Variants in SYT16 observed in about 807,000 individuals in gnomAD.
SYT16 encodes the protein synaptotagmin 16, also known as synaptotagmin-16.
SYT16 carries 42 observed loss-of-function variants against 61.4 expected under a neutral mutation model. That is an observed-to-expected ratio of 0.68 (90% CI 0.53 to 0.89). SYT16 has a LOEUF of 0.89. Among genes scored for constraint, SYT16 ranks in the 40% least tolerant of loss-of-function variants. The probability of loss-of-function intolerance (pLI) is 0.00; values close to 1 mark genes in which losing one functional copy is unlikely to be tolerated. For synonymous variants in SYT16, 314 were observed against 302.3 expected, an observed-to-expected ratio of 1.04 and a Z score of -0.40; for missense variants, 804 against 807.3, an observed-to-expected ratio of 1.00 and a Z score of 0.05.
intron 3 of SYT16, among the ~76,000 whole-genome samples, chr14:62,051,794 G>C (rs899183114): frequency 6.6e-6 from 1 of 152,180 alleles, no homozygotes; most frequent in African/African-American, 2.4e-5. Flanking sequence ...CACTTTGGGA[G>C]GCCAAGGCAG....
Position 61,840,284 on chromosome 14 carries a change from A to C in SYT16, c.-325+27474A>C, listed in dbSNP as rs1583946. ...TAGGGAGGCAAGGTGCGCTATTGGA[A>C]ATACGAGTCTAGAGCTTGGGAGAGA... On this transcript the variant is annotated intron_variant, in intron 1 of 7. Transcript: ENST00000683842. Among the ~76,000 whole-genome samples the C allele has an allele frequency of 9.8e-3, 1,488 of 152,280 alleles. 30 individuals are homozygous for C. The highest frequency in any genetic ancestry group is 0.034 in the African/African-American group (1,395 of 41,544).
chr14:62,107,320 C>T lies in SYT16; in HGVS notation c.*6613C>T, dbSNP rs549875300. 2.4e-4 allele frequency: 37 copies of T among 152,108 alleles called. No individual in the cohort carries two copies. Among genetic ancestry groups the T allele is most frequent in the African/African-American group, 8.4e-4 (35 of 41,446 alleles). The allele number at this position is 152,108 out of a possible 1,614,324, so 9.4% of individuals were successfully genotyped here. ...TGGTGGTGTGCGCCTATAGTCCCAG[C>T]TCCTCAGGAAGCTGAGGTGGGAGGA... On this transcript the variant is annotated 3_prime_UTR_variant, in exon 8 of 8. Coordinates refer to ENST00000683842, the MANE Select transcript of SYT16 (RefSeq NM_001367656.1).
At chr14:61,959,351 GTCTT>G (rs1194972591) in intron 1 of SYT16, among the ~76,000 whole-genome samples, 1 of 151,594 alleles carries the variant, frequency 6.6e-6, no homozygotes, top group Non-Finnish European at 1.5e-5. Flanking sequence ...TTCTCTTAGT[GTCTT>G]TCTTTGTGTT....
intron 1 of SYT16, among the ~76,000 whole-genome samples, chr14:61,870,619 C>G (rs1194920712): frequency 2.6e-5 from 4 of 152,004 alleles, no homozygotes; most frequent in Non-Finnish European, 5.9e-5. Context: ...ATGATGTTAT[C>G]TTCTTTTGAG....
At chr14:61,910,235 TTTTGTTTTG>T (rs2048877184) in intron 1 of SYT16, among the ~76,000 whole-genome samples, 3 of 2,428 alleles carry the variant, frequency 1.2e-3, no homozygotes, top group Admixed American at 4.2e-3. Flanking sequence ...CCTTTTTTTG[TTTTGTTTTG>T]TTTTGTTTTT....
intron 1 of SYT16, among the ~76,000 whole-genome samples, chr14:61,966,648 T>A (rs1566723507): frequency 6.6e-6 from 1 of 152,324 alleles, no homozygotes; most frequent in East Asian, 1.9e-4. Context: ...TGTAATGAGT[T>A]TCATGCTGCT....
chr14:61,821,470 C>T (rs909000098), intron 1 of SYT16, among the ~76,000 whole-genome samples: 4 of 152,192 alleles, frequency 2.6e-5, no homozygotes, highest in Admixed American at 6.5e-5. Context: ...TATGGCTGGG[C>T]TTTCATCTGA....
chr14:62,078,815 A>G (rs1367004868), intron 5 of SYT16, among the ~76,000 whole-genome samples: 2 of 152,258 alleles, frequency 1.3e-5, no homozygotes, highest in African/African-American at 4.8e-5. Flanking sequence ...ACCAATGATA[A>G]GAAATGAGAA....
chr14:62,056,924 G>C (rs987856561), intron 3 of SYT16, among the ~76,000 whole-genome samples: 2 of 152,200 alleles, frequency 1.3e-5, no homozygotes, highest in Non-Finnish European at 2.9e-5. Flanking sequence ...CAGCGAGCAG[G>C]GGGCACGGGA....
chr14:61,812,577 G>C (rs1239278975), upstream of SYT16: 1 of 150,758 alleles, frequency 6.6e-6, no homozygotes, highest in Non-Finnish European at 1.5e-5. Flanking sequence ...GTTCTGCCCG[G>C]GAGGCTGGGC....
intron 3 of SYT16, among the ~76,000 whole-genome samples, chr14:62,048,303 C>T (rs868636969): frequency 1.3e-5 from 2 of 152,158 alleles, no homozygotes; most frequent in Admixed American, 6.5e-5. Flanking sequence ...TTTTGTATTT[C>T]TGTGGGATCA....
At chr14:61,881,139 C>T (rs1485574057) in intron 1 of SYT16, among the ~76,000 whole-genome samples, 1 of 152,164 alleles carries the variant, frequency 6.6e-6, no homozygotes, top group Non-Finnish European at 1.5e-5. Flanking sequence ...GTCTTATTGA[C>T]TTGGCTCTTG....
At chr14:61,886,171 G>A (rs2047892733) in intron 1 of SYT16, among the ~76,000 whole-genome samples, 1 of 151,934 alleles carries the variant, frequency 6.6e-6, no homozygotes, top group Admixed American at 6.6e-5. Flanking sequence ...TCACCATGTT[G>A]GCCAGGATGG....
At position 62,109,583 on chromosome 14, in the gene SYT16, T is replaced by G. The variant is rs1234457654; in HGVS notation, c.*8876T>G. Reference sequence around the variant, plus strand: ...CTTGTTTTACATTGGGGGAGGAGATTTATGAAAAAATATAATAATTTCATA... The same window carrying G: ...CTTGTTTTACATTGGGGGAGGAGATGTATGAAAAAATATAATAATTTCATA... On this transcript the variant is annotated 3_prime_UTR_variant, in exon 8 of 8. Transcript: ENST00000683842. 5.3e-5 allele frequency: 8 copies of G among 152,108 alleles called. No individual in the cohort carries two copies. Among genetic ancestry groups the G allele is most frequent in the Non-Finnish European group, 1.0e-4 (7 of 68,020 alleles). 9.4% of individuals were successfully genotyped at this position (152,108 alleles called of 1,614,324 possible).
intron 1 of SYT16, among the ~76,000 whole-genome samples, chr14:61,923,768 T>G (rs545730336): frequency 6.2e-4 from 95 of 152,054 alleles, no homozygotes; most frequent in South Asian, 1.0e-3. Flanking sequence ...TAGTATTTGG[T>G]TTTTTAAAAA....
intron 1 of SYT16, among the ~76,000 whole-genome samples, chr14:61,816,808 A>G (rs774488123): frequency 1.3e-4 from 20 of 150,584 alleles, no homozygotes; most frequent in African/African-American, 4.2e-4. Flanking sequence ...TCAGGAGATG[A>G]AGACCATCCT....
chr14:61,949,662 A>G (rs942188595), intron 1 of SYT16, among the ~76,000 whole-genome samples: 4 of 152,154 alleles, frequency 2.6e-5, no homozygotes, highest in African/African-American at 9.7e-5. Context: ...CTAGAATAGA[A>G]TTTGGACTGT....
intron 3 of SYT16, among the ~76,000 whole-genome samples, chr14:62,009,051 C>T (rs972748725): frequency 3.0e-4 from 46 of 152,106 alleles, no homozygotes; most frequent in Admixed American, 7.2e-4. Context: ...AATAAATTTC[C>T]TTCCCTTCCC....
chr14:62,094,573 T>C (rs2057201428), intron 7 of SYT16, among the ~76,000 whole-genome samples: 1 of 152,148 alleles, frequency 6.6e-6, no homozygotes, highest in South Asian at 2.1e-4. Context: ...ATTCATTACC[T>C]GATACCCAAC....
Sources: allele counts gnomAD v4.1 joint callset (sites outside exome capture counted in the v4.1 genomes callset), GRCh38; gene constraint gnomAD v4.1.1; transcripts MANE v1.5; gene names NCBI Gene and HGNC (gene_info 2026-07-23, HGNC 2026-07-21).